The following IMMP2L variants were observed in gnomAD, a reference collection of about 807,000 sequenced individuals.
IMMP2L encodes the protein inner mitochondrial membrane peptidase subunit 2.
IMMP2L carries 18 observed loss-of-function variants against 19.3 expected under a neutral mutation model. The ratio of observed to expected loss-of-function variants is 0.93; its 90% CI spans 0.64 to 1.38. The LOEUF (loss-of-function observed/expected upper bound fraction) is 1.38. IMMP2L is among the 40% of genes most tolerant of loss of function. The pLI, the probability that IMMP2L is intolerant of heterozygous loss-of-function variation, is 0.00. For synonymous variants in IMMP2L, 76 were observed against 73.0 expected (o/e 1.04, Z -0.21); for missense variants, 233 against 218.2 (o/e 1.07, Z -0.43).
chr7:111,368,612 T>TC (rs1458821343), intron 3 of IMMP2L, among the ~76,000 whole-genome samples: 2 of 151,916 alleles, frequency 1.3e-5, no homozygotes, highest in Non-Finnish European at 1.5e-5. Flanking sequence ...CTCCCTTCAA[T>TC]CCTGTGAGCT....
chr7:110,669,683 G>A (rs1791757412), intron 5 of IMMP2L, among the ~76,000 whole-genome samples: 1 of 152,168 alleles, frequency 6.6e-6, no homozygotes, highest in Non-Finnish European at 1.5e-5. Flanking sequence ...GGTAAGTACT[G>A]TTACTGCCTC....
chr7:111,235,059 T>C (rs932793599), intron 3 of IMMP2L, among the ~76,000 whole-genome samples: 6 of 152,172 alleles, frequency 3.9e-5, no homozygotes, highest in African/African-American at 7.2e-5. Flanking sequence ...TCTGAAGAAC[T>C]TTTTTTAGCA....
At position 111,048,255 on chromosome 7, in the gene IMMP2L, A is replaced by AG. The variant is rs60191273; in HGVS notation, c.240-84691_240-84690insC. On this transcript the variant is annotated intron_variant, in intron 3 of 5. Transcript: ENST00000405709. The stretch of plus-strand genomic sequence containing the variant: ...CTCTGTCTCAAAAAAAAAAAAAAAA[A>AG]AAAAAAAAAAGAAAAAAAGAAAAAA... Among the ~76,000 whole-genome samples, 136 of 22,064 alleles carry AG rather than the reference A, an allele frequency of 6.2e-3. 6 individuals carry two copies. The East Asian group carries it at 0.19, about 30-fold the overall frequency. 14.5% of individuals were successfully genotyped at this position (22,064 alleles called of 152,430 possible). A position where few individuals can be genotyped will look rare whatever the true frequency, so the allele number is the denominator to read the frequency against.
intron 3 of IMMP2L, among the ~76,000 whole-genome samples, chr7:111,362,067 G>T (rs1829310106): frequency 6.6e-6 from 1 of 151,872 alleles, no homozygotes; most frequent in Non-Finnish European, 1.5e-5. Flanking sequence ...ATATAAAACT[G>T]TTATACCAGT....
chr7:111,290,593 G>A (rs1820981718), intron 3 of IMMP2L, among the ~76,000 whole-genome samples: 1 of 151,944 alleles, frequency 6.6e-6, no homozygotes, highest in South Asian at 2.1e-4. Flanking sequence ...GTGCCAAGCT[G>A]CCAGTTCCTA....
At chr7:111,399,433 C>G (rs1833214207) in intron 3 of IMMP2L, among the ~76,000 whole-genome samples, 1 of 152,074 alleles carries the variant, frequency 6.6e-6, no homozygotes, top group African/African-American at 2.4e-5. Context: ...ATAATCTCAG[C>G]TCACTGCAAC....
At chr7:111,049,271 C>T in intron 3 of IMMP2L, among the ~76,000 whole-genome samples, 1 of 150,844 alleles carries the variant, frequency 6.6e-6, no homozygotes, top group Non-Finnish European at 1.5e-5. Flanking sequence ...GCTGGGACTA[C>T]AGGCGCCCGC....
intron 5 of IMMP2L, among the ~76,000 whole-genome samples, chr7:110,737,231 A>C (rs1438593665): frequency 2.0e-5 from 3 of 152,162 alleles, no homozygotes; most frequent in African/African-American, 4.8e-5. Flanking sequence ...TGCCAAAAAA[A>C]CTGTGAGTCT....
At chr7:111,101,828 C>G (rs1798013529) in intron 3 of IMMP2L, among the ~76,000 whole-genome samples, 1 of 151,354 alleles carries the variant, frequency 6.6e-6, no homozygotes, top group Non-Finnish European at 1.5e-5. Flanking sequence ...GTTCCTATCT[C>G]TACTGCCCCC....
intron 5 of IMMP2L, among the ~76,000 whole-genome samples, chr7:110,670,254 A>T (rs1338676786): frequency 6.6e-6 from 1 of 152,180 alleles, no homozygotes; most frequent in Non-Finnish European, 1.5e-5. Flanking sequence ...GGGACTATAG[A>T]AAAAAACCAA....
intron 3 of IMMP2L, among the ~76,000 whole-genome samples, chr7:111,447,672 ACAT>A (rs1417537194): frequency 6.6e-6 from 1 of 151,976 alleles, no homozygotes; most frequent in Non-Finnish European, 1.5e-5. Context: ...TCACCAGCTA[ACAT>A]CATAATGACA....
chr7:111,031,109 A>G (rs1396338238), intron 3 of IMMP2L, among the ~76,000 whole-genome samples: 1 of 151,784 alleles, frequency 6.6e-6, no homozygotes, highest in African/African-American at 2.4e-5. Context: ...AGATACAGAT[A>G]ATTACATATA....
intron 3 of IMMP2L, among the ~76,000 whole-genome samples, chr7:111,336,211 ATT>A (rs547077322): frequency 6.9e-6 from 1 of 144,884 alleles, no homozygotes. Flanking sequence ...CAGGCCGGCT[ATT>A]TTTTTTTTTT....
chr7:110,779,640 T>C (rs1339167239), intron 5 of IMMP2L, among the ~76,000 whole-genome samples: 1 of 151,932 alleles, frequency 6.6e-6, no homozygotes, highest in Non-Finnish European at 1.5e-5. Context: ...GCTTATCTAG[T>C]ACTTCCCAAC....
At chr7:110,878,819 C>A (rs887224359) in intron 5 of IMMP2L, among the ~76,000 whole-genome samples, 7 of 152,092 alleles carry the variant, frequency 4.6e-5, no homozygotes, top group Non-Finnish European at 7.4e-5. Context: ...ACATCACAGA[C>A]CTTTCAACAG....
chr7:110,824,624 T>A (rs569244874), intron 5 of IMMP2L, among the ~76,000 whole-genome samples: 1 of 152,064 alleles, frequency 6.6e-6, no homozygotes, highest in African/African-American at 2.4e-5. Context: ...ATCCCCGACC[T>A]CTGAAAGTGC....
chr7:111,329,601 G>A (rs1825675339), intron 3 of IMMP2L, among the ~76,000 whole-genome samples: 2 of 151,890 alleles, frequency 1.3e-5, no homozygotes, highest in South Asian at 4.2e-4. Flanking sequence ...AAGGAGACTT[G>A]AAAACGCACA....
At chr7:111,099,740 G>T (rs920145582) in intron 3 of IMMP2L, 28 of 151,302 alleles carry the variant, frequency 1.9e-4, no homozygotes, top group African/African-American at 6.1e-4. Flanking sequence ...ACTAAAAAAA[G>T]AAATTCAATT....
At chr7:111,227,331 T>C (rs1813214727) in intron 3 of IMMP2L, among the ~76,000 whole-genome samples, 1 of 152,142 alleles carries the variant, frequency 6.6e-6, no homozygotes, top group Non-Finnish European at 1.5e-5. Flanking sequence ...AGTATTACTT[T>C]AAGAGATTCC....
Sources: allele counts gnomAD v4.1 joint callset (sites outside exome capture counted in the v4.1 genomes callset), GRCh38; gene constraint gnomAD v4.1.1; transcripts MANE v1.5; gene names NCBI Gene and HGNC (gene_info 2026-07-23, HGNC 2026-07-21).